Variants in PRORP observed in about 807,000 individuals in gnomAD.
PRORP encodes the protein protein only RNase P catalytic subunit.
In PRORP, 51 loss-of-function variants were observed where a neutral mutation model predicts 59.4. That is an observed-to-expected ratio of 0.86 (90% CI 0.69 to 1.08). The LOEUF is 1.08. Among genes scored for constraint, PRORP ranks in the 50% least tolerant of loss-of-function variants. The pLI is 0.00. For missense variants in PRORP, 646 were observed against 690.3 expected (o/e 0.94, Z 0.72); for synonymous variants, 231 against 245.6 (o/e 0.94, Z 0.55).
At chr14:35,184,494 CTG>C (rs2048695268) in intron 5 of PRORP, among the ~76,000 whole-genome samples, 1 of 152,092 alleles carries the variant, frequency 6.6e-6, no homozygotes, top group African/African-American at 2.4e-5. Flanking sequence ...CACTGTTACA[CTG>C]TTTAATTTTA....
chr14:35,182,073 G>C (rs1220473682), intron 5 of PRORP, among the ~76,000 whole-genome samples: 1 of 151,734 alleles, frequency 6.6e-6, no homozygotes, highest in Non-Finnish European at 1.5e-5. Flanking sequence ...AGACCAGCCT[G>C]GCTAACATGG....
chr14:35,151,165 T>C (rs562245574), intron 4 of PRORP, among the ~76,000 whole-genome samples: 11 of 152,328 alleles, frequency 7.2e-5, no homozygotes, highest in African/African-American at 2.6e-4. Context: ...CCCAGAGTGA[T>C]ACACTTTTAG....
intron 5 of PRORP, among the ~76,000 whole-genome samples, chr14:35,197,506 T>C (rs896568666): frequency 2.6e-5 from 4 of 152,220 alleles, no homozygotes; most frequent in Non-Finnish European, 4.4e-5. Flanking sequence ...TTTTTTTCCT[T>C]TTAAAATTGT....
Position 35,273,541 on chromosome 14 carries a change from G to A in PRORP, c.1727G>A (p.Trp576Ter). 6.2e-7 allele frequency: 1 copy of A among 1,613,430 alleles called. No individual in the cohort carries two copies. Residue 576 changes from tryptophan to a stop codon, truncating the protein, a stop_gained, in exon 8 of 8, where the codon TGG (tryptophan) becomes TAG (stop). Transcript: ENST00000534898. LOFTEE classifies it high-confidence loss of function. ...TGTTCCTGTGAAGTACCAACCAAATGGCTTTGCCTCCACCAAAAGACATAG... is the reference window on the plus strand; with the variant it reads ...TGTTCCTGTGAAGTACCAACCAAATAGCTTTGCCTCCACCAAAAGACATAG... ...ERCSCEVPTKWLCLHQKT is the reference protein window; with the variant it reads ...ERCSCEVPTK
At chr14:35,270,707 C>T in intron 7 of PRORP, 111 bp downstream of exon 7, 1 of 1,040,952 alleles carries the variant, frequency 9.6e-7, no homozygotes, top group Non-Finnish European at 1.4e-6. Flanking sequence ...CTTTATTTTT[C>T]TCAGTTTTAG....
chr14:35,205,228 C>T (rs771092362), intron 5 of PRORP, among the ~76,000 whole-genome samples: 20 of 152,296 alleles, frequency 1.3e-4, no homozygotes, highest in Non-Finnish European at 1.5e-4. Flanking sequence ...GTTGCACAGG[C>T]TGGAGTACAG....
chr14:35,208,273 A>G (rs995898301), intron 5 of PRORP, among the ~76,000 whole-genome samples: 6 of 151,970 alleles, frequency 3.9e-5, no homozygotes, highest in Non-Finnish European at 8.8e-5. Flanking sequence ...ATTAGCACCA[A>G]TAGAAATATA....
At chr14:35,148,957 G>C (rs1487286512) in intron 4 of PRORP, among the ~76,000 whole-genome samples, 1 of 123,506 alleles carries the variant, frequency 8.1e-6, no homozygotes, top group Non-Finnish European at 1.6e-5. Flanking sequence ...CTCGCTCTGT[G>C]GCCCAGGTGG....
intron 5 of PRORP, among the ~76,000 whole-genome samples, chr14:35,240,315 G>GTTTTTTT (rs5807821): frequency 3.1e-5 from 4 of 129,314 alleles, no homozygotes; most frequent in African/African-American, 5.8e-5. Flanking sequence ...TTTTTTTTTG[G>GTTTTTTT]TTTAAAATTT....
At position 35,127,615 on chromosome 14, in the gene PRORP, A is replaced by G. The variant is rs767366088; in HGVS notation, c.1167+4A>G. On this transcript the variant is annotated splice_donor_region_variant and intron_variant, in intron 4 of 7. Transcript: ENST00000534898. ...GTACAGAAAGACAACACCTCAGGTGAGTCTAACAAGTTTTATTTCTTCTTG... is the reference window on the plus strand; with the variant it reads ...GTACAGAAAGACAACACCTCAGGTGGGTCTAACAAGTTTTATTTCTTCTTG... 1.2e-6 allele frequency: 2 copies of G among 1,613,632 alleles called. No individual in the cohort carries two copies. The highest frequency in any genetic ancestry group is 1.7e-6 in the Non-Finnish European group (2 of 1,179,858).
At chr14:35,254,094 A>G (rs1338078533) in intron 5 of PRORP, among the ~76,000 whole-genome samples, 1 of 148,636 alleles carries the variant, frequency 6.7e-6, no homozygotes, top group Admixed American at 6.8e-5. Context: ...CCTCTCATAG[A>G]CTCTATCTTG....
At chr14:35,187,812 A>G (rs1357778205) in intron 5 of PRORP, among the ~76,000 whole-genome samples, 1 of 150,722 alleles carries the variant, frequency 6.6e-6, no homozygotes, top group Non-Finnish European at 1.5e-5. Flanking sequence ...CCATTTGTAT[A>G]TCTTCTTTGA....
intron 5 of PRORP, among the ~76,000 whole-genome samples, chr14:35,216,688 T>C (rs1416977671): frequency 6.6e-6 from 1 of 152,254 alleles, no homozygotes; most frequent in Non-Finnish European, 1.5e-5. Context: ...GTTCATATAG[T>C]AATTCTTCTA....
chr14:35,152,385 C>CCA (rs2047780785), intron 4 of PRORP, among the ~76,000 whole-genome samples: 2 of 152,350 alleles, frequency 1.3e-5, no homozygotes, highest in South Asian at 4.1e-4. Context: ...CCACCTTTCC[C>CCA]CCTTTTCTAT....
intron 4 of PRORP, among the ~76,000 whole-genome samples, chr14:35,143,581 A>G (rs2047533091): frequency 6.8e-6 from 1 of 146,242 alleles, no homozygotes; most frequent in Non-Finnish European, 1.5e-5. Context: ...ACATTGTATT[A>G]CATTTTTGCA....
intron 5 of PRORP, among the ~76,000 whole-genome samples, chr14:35,183,628 A>C (rs1418578579): frequency 6.6e-6 from 1 of 152,108 alleles, no homozygotes; most frequent in Non-Finnish European, 1.5e-5. Flanking sequence ...GGGTATATAT[A>C]TTTTTAAAGA....
At chr14:35,236,271 ATC>A (rs1236608423) in intron 5 of PRORP, among the ~76,000 whole-genome samples, 1 of 151,930 alleles carries the variant, frequency 6.6e-6, no homozygotes, top group African/African-American at 2.4e-5. Flanking sequence ...TGATCTATTT[ATC>A]TGTTTTCTTG....
intron 5 of PRORP, among the ~76,000 whole-genome samples, chr14:35,216,588 A>G (rs541169513): frequency 6.6e-6 from 1 of 152,340 alleles, no homozygotes; most frequent in Non-Finnish European, 1.5e-5. Flanking sequence ...TATCATGAAT[A>G]ATACTACTGT....
chr14:35,273,870 G>T lies in PRORP; in HGVS notation c.*304G>T. 5.1e-6 allele frequency: 1 copy of T among 194,978 alleles called. No homozygotes were observed. Among genetic ancestry groups the T allele is most frequent in the Non-Finnish European group, 1.0e-5 (1 of 96,054 alleles). The allele number at this position is 194,978 out of a possible 1,614,324, so 12.1% of individuals were successfully genotyped here. On this transcript the variant is annotated 3_prime_UTR_variant, in exon 8 of 8. Transcript: ENST00000534898. Reference sequence around the variant, plus strand: ...AGCTTGGGTGACTAATAGTGCTTTTGGTATCCATTTTTTGCTACTTCTGAC... The same window carrying T: ...AGCTTGGGTGACTAATAGTGCTTTTTGTATCCATTTTTTGCTACTTCTGAC...
Sources: gnomAD v4.1 joint callset for allele counts (sites outside exome capture counted in the v4.1 genomes callset) on GRCh38, gnomAD v4.1.1 for gene constraint, MANE v1.5 for transcripts, NCBI Gene and HGNC (gene_info 2026-07-23, HGNC 2026-07-21) for gene names.